The following KIF26B variants were observed in gnomAD, a reference collection of about 807,000 sequenced individuals.
KIF26B encodes kinesin family member 26B, also known as kinesin-like protein KIF26B.
In KIF26B, 63 loss-of-function variants were observed where a neutral mutation model predicts 151.2. That is an observed-to-expected ratio of 0.42 (90% confidence interval 0.34 to 0.51). The LOEUF is 0.51. Ranked by LOEUF, KIF26B falls within the 20% of genes least tolerant of loss-of-function variation. The pLI, the probability that KIF26B is intolerant of heterozygous loss-of-function variation, is 0.07. For synonymous variants in KIF26B, 1,357 were observed against 1,262.1 expected (o/e 1.08, Z -1.59); for missense variants, 2,813 against 2,913.6 (o/e 0.97, Z 0.79).
intron 2 of KIF26B, among the ~76,000 whole-genome samples, chr1:245,221,096 A>G (rs914149763): frequency 1.3e-5 from 2 of 152,190 alleles, no homozygotes; most frequent in Admixed American, 6.5e-5. Flanking sequence ...TGACATTTGT[A>G]TAAATAAGTT....
intron 4 of KIF26B, among the ~76,000 whole-genome samples, chr1:245,444,726 T>C (rs946581202): frequency 7.9e-5 from 12 of 152,136 alleles, no homozygotes; most frequent in Non-Finnish European, 1.2e-4. Context: ...AAGGGAAGTT[T>C]TTCCTACATA....
At chr1:245,504,142 G>A (rs1280144526) in intron 4 of KIF26B, among the ~76,000 whole-genome samples, 1 of 152,260 alleles carries the variant, frequency 6.6e-6, no homozygotes, top group East Asian at 1.9e-4. Context: ...GCCACAGCGT[G>A]GGAAGAGAGG....
At chr1:245,441,339 C>T (rs568788086) in intron 4 of KIF26B, among the ~76,000 whole-genome samples, 2 of 152,256 alleles carry the variant, frequency 1.3e-5, no homozygotes, top group South Asian at 4.1e-4. Flanking sequence ...CAAACAACAA[C>T]AACAAAACAC....
At position 245,581,678 on chromosome 1, in the gene KIF26B, A is replaced by AT. The variant is rs1244189094; in HGVS notation, c.1351-20898dup. On this transcript the variant is annotated intron_variant, in intron 5 of 14. Transcript: ENST00000407071. ...TTAAATGGGGAGGGAGGAGGTGTGG[A>AT]TGCTACGCTGGCTTCACCACATGTA... Among the ~76,000 whole-genome samples, 4 of 152,156 alleles carry AT rather than the reference A, an allele frequency of 2.6e-5. No individual in the cohort carries two copies. In the South Asian group the frequency reaches 6.2e-4, roughly 24 times the overall value.
At chr1:245,378,923 G>A (rs139124818) in intron 3 of KIF26B, among the ~76,000 whole-genome samples, 11 of 152,256 alleles carry the variant, frequency 7.2e-5, no homozygotes, top group Admixed American at 1.3e-4. Context: ...ATGTGAGAGG[G>A]CGTGTTTTGC....
chr1:245,548,207 G>C (rs1054189797), intron 5 of KIF26B, among the ~76,000 whole-genome samples: 8 of 152,170 alleles, frequency 5.3e-5, no homozygotes, highest in African/African-American at 1.9e-4. Context: ...CTTGGGAGGA[G>C]GAAACATGTT....
intron 2 of KIF26B, among the ~76,000 whole-genome samples, chr1:245,169,187 G>C (rs1310313903): frequency 6.6e-6 from 1 of 152,086 alleles, no homozygotes; most frequent in Non-Finnish European, 1.5e-5. Context: ...CGTGAATGGA[G>C]CATTCTGCAG....
intron 5 of KIF26B, among the ~76,000 whole-genome samples, chr1:245,588,005 T>C (rs756633101): frequency 2.0e-5 from 3 of 152,218 alleles, no homozygotes; most frequent in Non-Finnish European, 4.4e-5. Flanking sequence ...TGCAGGAGTC[T>C]GCCTTATTGA....
intron 2 of KIF26B, among the ~76,000 whole-genome samples, chr1:245,249,649 A>T (rs1433108979): frequency 6.6e-6 from 1 of 152,048 alleles, no homozygotes; most frequent in East Asian, 1.9e-4. Context: ...CGCCTGGCTA[A>T]CTTTTGTATT....
chr1:245,528,468 G>A (rs546073258), intron 4 of KIF26B, among the ~76,000 whole-genome samples: 13 of 152,130 alleles, frequency 8.5e-5, no homozygotes, highest in Non-Finnish European at 1.8e-4. Context: ...TCTCCTCCCT[G>A]ATGAAGATCT....
chr1:245,335,709 G>A (rs1672208636), intron 2 of KIF26B, among the ~76,000 whole-genome samples: 2 of 149,398 alleles, frequency 1.3e-5, no homozygotes, highest in South Asian at 4.3e-4. Context: ...AGGGTCCCAC[G>A]TGGGGAAAGA....
rs184644352 is a variant in KIF26B at position 245,168,139 on chromosome 1, G to T, written c.465+11456G>T. On this transcript the variant is annotated intron_variant, in intron 2 of 14. Transcript: ENST00000407071. ...TCCCAAGCCTGTGAGTCTCTGTGAA[G>T]CTGAGGCTTTGGGAGTCCACTCCGT... Among the ~76,000 whole-genome samples, 623 of 152,344 alleles carry T rather than the reference G, an allele frequency of 4.1e-3. 2 individuals carry two copies. The highest frequency in any genetic ancestry group is 7.5e-3 in the Non-Finnish European group (507 of 68,028).
intron 12 of KIF26B, among the ~76,000 whole-genome samples, chr1:245,693,000 G>A (rs1465103396): frequency 6.6e-6 from 1 of 152,088 alleles, no homozygotes; most frequent in African/African-American, 2.4e-5. Context: ...CACCAGCTGA[G>A]CCCCTACCCT....
intron 4 of KIF26B, among the ~76,000 whole-genome samples, chr1:245,532,402 T>C (rs111939602): frequency 0.065 from 9,884 of 151,484 alleles, 379 homozygotes; most frequent in Non-Finnish European, 0.075. Flanking sequence ...CCCGCCACCA[T>C]GCCCAGCTAA....
chr1:245,156,483 T>C lies in KIF26B; in HGVS notation c.265T>C (p.Ser89Pro). The C allele has an allele frequency of 6.6e-7, 1 of 1,523,576 alleles. No homozygotes were observed. The highest frequency in any genetic ancestry group is 2.0e-5 in the Admixed American group (1 of 50,500). The allele number at this position is 1,523,576 out of a possible 1,614,324, so 94.4% of individuals were successfully genotyped here. ...SSFTGSPGPA[S>P]PGIGTSSPGS... ...GTTCACCGGCTCCCCGGGACCCGCC[T>C]CCCCCGGCATCGGCACTAGTTCGCC... is the stretch of plus-strand genomic sequence containing the variant. The change falls in exon 2 of 15, where the codon TCC becomes CCC. Residue 89 changes from serine to proline, a missense_variant. Around this residue, in one of 3 missense-constraint regions of KIF26B, gnomAD observed 676 missense variants for 688.1 expected, o/e 0.98. Coordinates refer to ENST00000407071, the MANE Select transcript of KIF26B (RefSeq NM_018012.4).
chr1:245,565,316 T>C (rs2042998766), intron 5 of KIF26B, among the ~76,000 whole-genome samples: 1 of 148,228 alleles, frequency 6.7e-6, no homozygotes. Context: ...TGAGACAGAG[T>C]CTCACTCTGT....
intron 5 of KIF26B, among the ~76,000 whole-genome samples, chr1:245,575,140 C>T (rs939665791): frequency 3.1e-4 from 47 of 150,284 alleles, no homozygotes; most frequent in Non-Finnish European, 4.9e-4. Context: ...ACTGGGATTA[C>T]AGGCTCAAGC....
rs1200120563 is a variant in KIF26B, at chr1:245,708,630, C to T, written c.*6024C>T. The T allele has an allele frequency of 6.6e-6, 1 of 152,072 alleles. No homozygotes were observed. The highest frequency in any genetic ancestry group is 2.4e-5 in the African/African-American group (1 of 41,386). The allele number at this position is 152,072 out of a possible 1,614,324, so 9.4% of individuals were successfully genotyped here. On this transcript the variant is annotated 3_prime_UTR_variant, in exon 15 of 15. Coordinates refer to ENST00000407071, the MANE Select transcript of KIF26B (RefSeq NM_018012.4). ...TTCTAATTCCAGCTTTGCCAGTCAT[C>T]CTGTCCGTGATATATTCCATAGGAC...
intron 5 of KIF26B, among the ~76,000 whole-genome samples, chr1:245,548,469 ACAT>A (rs1279186763): frequency 6.6e-6 from 1 of 152,120 alleles, no homozygotes. Flanking sequence ...CCAGGGTTTT[ACAT>A]CAGGAAGAAG....
Sources: allele counts gnomAD v4.1 joint callset (sites outside exome capture counted in the v4.1 genomes callset), GRCh38; gene constraint gnomAD v4.1.1; regional missense constraint gnomAD v4.1.1; transcripts MANE v1.5; gene names NCBI Gene and HGNC (gene_info 2026-07-23, HGNC 2026-07-21).